The following LARGE1 variants were observed in gnomAD, a reference collection of about 807,000 sequenced individuals.
LARGE1 encodes LARGE xylosyl- and glucuronyltransferase 1, also known as xylosyl- and glucuronyltransferase LARGE1.
Under a neutral mutation model 87.6 loss-of-function variants are expected in LARGE1, and 43 were observed. The observed-to-expected ratio is 0.49, with a 90% CI of 0.38 to 0.63. The LOEUF is 0.63. LARGE1 is among the 30% of genes least tolerant of loss of function. The pLI is 0.00. For missense variants in LARGE1, 802 were observed against 1,000.2 expected (o/e 0.80, Z 2.67); for synonymous variants, 434 against 394.6 (o/e 1.10, Z -1.18).
At chr22:33,412,194 G>T (rs1242596638) in intron 7 of LARGE1, among the ~76,000 whole-genome samples, 1 of 152,144 alleles carries the variant, frequency 6.6e-6, no homozygotes, top group East Asian at 1.9e-4. Flanking sequence ...TGAGGCAAGA[G>T]AATTGCTTGA....
At chr22:33,198,499 G>A (rs1241963149) in intron 11 of LARGE1, among the ~76,000 whole-genome samples, 1 of 151,810 alleles carries the variant, frequency 6.6e-6, no homozygotes, top group Non-Finnish European at 1.5e-5. Context: ...GTGAAGTCTG[G>A]GCTGTTAGTG....
At chr22:33,755,038 T>C (rs964819001) in intron 2 of LARGE1, among the ~76,000 whole-genome samples, 13 of 152,312 alleles carry the variant, frequency 8.5e-5, no homozygotes, top group African/African-American at 3.1e-4. Context: ...TCCCCCATAA[T>C]AATAAGGCAA....
chr22:33,345,001 A>T (rs965971286), intron 9 of LARGE1, among the ~76,000 whole-genome samples: 2 of 152,204 alleles, frequency 1.3e-5, no homozygotes, highest in African/African-American at 4.8e-5. Context: ...TAAGGAGCTG[A>T]TAAGTGCATG....
intron 1 of LARGE1, among the ~76,000 whole-genome samples, chr22:33,822,602 G>A (rs1646621918): frequency 6.6e-6 from 1 of 152,184 alleles, no homozygotes; most frequent in South Asian, 2.1e-4. Context: ...GGAGGCTGAG[G>A]CAAGAGAATG....
chr22:33,522,496 C>T (rs969832481), intron 6 of LARGE1, among the ~76,000 whole-genome samples: 1 of 151,870 alleles, frequency 6.6e-6, no homozygotes, highest in African/African-American at 2.4e-5. Flanking sequence ...CTCAGGAGTT[C>T]CAAAGCAGCC....
chr22:33,195,306 G>T (rs932591889), intron 11 of LARGE1, among the ~76,000 whole-genome samples: 1 of 152,216 alleles, frequency 6.6e-6, no homozygotes, highest in African/African-American at 2.4e-5. Flanking sequence ...GCAGAGAAAC[G>T]ATCTGAACAT....
At chr22:33,222,300 T>C (rs974605394) in intron 11 of LARGE1, among the ~76,000 whole-genome samples, 2 of 151,866 alleles carry the variant, frequency 1.3e-5, no homozygotes, top group Non-Finnish European at 2.9e-5. Context: ...GGGTGAGGGG[T>C]CTAGAAGGGA....
At chr22:33,818,583 C>A (rs961703261) in intron 1 of LARGE1, among the ~76,000 whole-genome samples, 1 of 152,122 alleles carries the variant, frequency 6.6e-6, no homozygotes, top group Non-Finnish European at 1.5e-5. Flanking sequence ...TTGTTGATAG[C>A]CTGTAAAAGC....
chr22:33,391,906 A>AT (rs945039297), intron 7 of LARGE1, among the ~76,000 whole-genome samples: 2 of 150,588 alleles, frequency 1.3e-5, no homozygotes, highest in Non-Finnish European at 2.9e-5. Context: ...AGTAGCTGGG[A>AT]TTATAGGTGC....
intron 1 of LARGE1, among the ~76,000 whole-genome samples, chr22:33,879,235 G>C (rs2064587239): frequency 6.6e-6 from 1 of 152,290 alleles, no homozygotes; most frequent in Admixed American, 6.5e-5. Context: ...CAAAGTGGTG[G>C]GATTACAGGC....
intron 6 of LARGE1, among the ~76,000 whole-genome samples, chr22:33,534,663 G>A (rs1344784017): frequency 6.6e-6 from 1 of 152,124 alleles, no homozygotes; most frequent in Admixed American, 6.5e-5. Flanking sequence ...CCACAGTGCT[G>A]GGACCCAGGC....
chr22:33,170,391 A>G (rs974205208), intron 11 of LARGE1, among the ~76,000 whole-genome samples: 11 of 152,166 alleles, frequency 7.2e-5, no homozygotes, highest in Admixed American at 2.6e-4. Context: ...ATAAATATAA[A>G]AATAAATAAA....
the LARGE1 span, among the ~76,000 whole-genome samples, chr22:33,113,933 C>T: frequency 2.7e-5 from 4 of 150,390 alleles, no homozygotes; most frequent in African/African-American, 7.4e-5. Flanking sequence ...TGCAGTGTTG[C>T]GATCTTGGCT....
At chr22:33,443,811 A>G (rs993668300) in intron 6 of LARGE1, among the ~76,000 whole-genome samples, 1 of 152,058 alleles carries the variant, frequency 6.6e-6, no homozygotes, top group African/African-American at 2.4e-5. Context: ...AAAACTAAAA[A>G]AGGAACACAG....
At chr22:33,208,574 CTT>C (rs58306311) in intron 11 of LARGE1, among the ~76,000 whole-genome samples, 1 of 148,624 alleles carries the variant, frequency 6.7e-6, no homozygotes, top group African/African-American at 2.5e-5. Context: ...AAACAAGTCA[CTT>C]TTTTTTTTTA....
At position 33,751,973 on chromosome 22, in the gene LARGE1, G is replaced by A. The variant is rs1054547321; in HGVS notation, c.106+9398C>T. 2.6e-5 allele frequency among the ~76,000 whole-genome samples: 4 copies of A among 152,016 alleles called. No individual in the cohort carries two copies. The South Asian group carries it at 8.3e-4, about 32-fold the overall frequency. ...TATTTTGTATTTTTAGTAGAGATGG[G>A]GGTTCGCCACATTGGCCAGGCTGGT... is the stretch of plus-strand genomic sequence containing the variant. On this transcript the variant is annotated intron_variant, in intron 2 of 14. Coordinates refer to ENST00000397394, the MANE Select transcript of LARGE1 (RefSeq NM_133642.5).
At chr22:33,633,764 T>G (rs2149106439) in intron 3 of LARGE1, among the ~76,000 whole-genome samples, 1 of 152,328 alleles carries the variant, frequency 6.6e-6, no homozygotes, top group South Asian at 2.1e-4. Context: ...GGATGGTAGC[T>G]GCAGACTTTT....
intron 2 of LARGE1, among the ~76,000 whole-genome samples, chr22:33,652,147 G>T (rs1417545663): frequency 6.6e-6 from 1 of 152,032 alleles, no homozygotes; most frequent in East Asian, 1.9e-4. Flanking sequence ...CTGCATTCCA[G>T]CCTGGCGACA....
At chr22:33,731,419 G>A (rs566185573) in intron 2 of LARGE1, among the ~76,000 whole-genome samples, 13 of 152,120 alleles carry the variant, frequency 8.5e-5, no homozygotes, top group African/African-American at 2.2e-4. Flanking sequence ...AGTTGTATTC[G>A]TCAGAGCTGT....
Sources: gnomAD v4.1 joint callset for allele counts (sites outside exome capture counted in the v4.1 genomes callset) on GRCh38, gnomAD v4.1.1 for gene constraint, MANE v1.5 for transcripts, NCBI Gene and HGNC (gene_info 2026-07-23, HGNC 2026-07-21) for gene names.